Variants in TMCC3 observed in about 807,000 individuals in gnomAD.
TMCC3 encodes transmembrane and coiled-coil domain family 3, also known as transmembrane and coiled-coil domain protein 3.
Under a neutral mutation model 40.2 loss-of-function variants are expected in TMCC3, and 28 were observed. The observed-to-expected ratio is 0.70, with a 90% confidence interval of 0.52 to 0.95. The LOEUF is 0.95. Among genes scored for constraint, TMCC3 ranks in the 40% least tolerant of loss-of-function variants. The pLI, the probability that TMCC3 is intolerant of heterozygous loss-of-function variation, is 0.00. For missense variants in TMCC3, 554 were observed against 615.2 expected (o/e 0.90, Z 1.05); for synonymous variants, 255 against 248.5 (o/e 1.03, Z -0.25).
In TMCC3 at chr12:94,596,317, G is replaced by A. The variant is rs995392232; in HGVS notation, c.79-13779C>T. ...ATGGTGACAGCTAAGAAGACACAGA[G>A]CCAGGATTTGTACTAATGTCTAGTT... On this transcript the variant is annotated intron_variant, in intron 1 of 3. Transcript: ENST00000261226. 5.3e-5 allele frequency among the ~76,000 whole-genome samples: 8 copies of A among 152,314 alleles called. No individual in the cohort carries two copies. In the East Asian group the frequency reaches 1.5e-3, roughly 29 times the overall value.
intron 1 of TMCC3, among the ~76,000 whole-genome samples, chr12:94,583,195 A>C (rs1036780034): frequency 6.7e-6 from 1 of 150,294 alleles, no homozygotes; most frequent in African/African-American, 2.4e-5. Flanking sequence ...TTAAAAAAAA[A>C]AAAGGCCGGG....
chr12:94,629,230 C>T (rs1454511928), intron 1 of TMCC3, among the ~76,000 whole-genome samples: 3 of 152,132 alleles, frequency 2.0e-5, no homozygotes, highest in Non-Finnish European at 4.4e-5. Context: ...CAACAATGTC[C>T]TACAAACAAC....
intron 1 of TMCC3, among the ~76,000 whole-genome samples, chr12:94,647,158 T>C (rs1027815756): frequency 6.6e-6 from 1 of 152,200 alleles, no homozygotes; most frequent in Non-Finnish European, 1.5e-5. Context: ...TAGAGAGATA[T>C]GTGCATCAAG....
intron 1 of TMCC3, among the ~76,000 whole-genome samples, chr12:94,643,380 C>T (rs377228387): frequency 4.6e-5 from 7 of 152,146 alleles, no homozygotes; most frequent in Non-Finnish European, 4.4e-5. Flanking sequence ...TGTGAACCCA[C>T]AGGCCAGTCA....
intron 1 of TMCC3, among the ~76,000 whole-genome samples, chr12:94,608,167 C>T (rs1466548926): frequency 1.3e-5 from 2 of 152,228 alleles, no homozygotes; most frequent in African/African-American, 4.8e-5. Flanking sequence ...TTAAGGGACA[C>T]ATCCTTCAAA....
rs780999346 is a variant in TMCC3, at chr12:94,581,966, G to A, written c.651C>T (p.Ala217=). 8.7e-6 allele frequency: 14 copies of A among 1,614,198 alleles called. No individual in the cohort carries two copies. Among genetic ancestry groups the A allele is most frequent in the East Asian group, 2.2e-5 (1 of 44,882 alleles). The change falls in exon 2 of 4, where the codon GCC becomes GCT. Residue 217 remains alanine (A), a synonymous_variant. Transcript: ENST00000261226. ...ANLIRNKFGS[A]DNIAHLKNSL... ...AATTTTTCAAGTGAGCAATGTTGTCGGCGCTGCCAAACTTATTCCGGATCA... is the reference window on the plus strand; with the variant it reads ...AATTTTTCAAGTGAGCAATGTTGTCAGCGCTGCCAAACTTATTCCGGATCA...
chr12:94,592,609 AGTAAGCCAAGATTGCG>A (rs2068684184), intron 1 of TMCC3, among the ~76,000 whole-genome samples: 4 of 80,804 alleles, frequency 5.0e-5, no homozygotes, highest in Non-Finnish European at 8.2e-5. Flanking sequence ...GCGCCGCTGC[AGTAAGCCAAGATTGCG>A]CCACTGCATT....
chr12:94,578,548 G>C lies in TMCC3; in HGVS notation c.996-19C>G, dbSNP rs760929785. The C allele has an allele frequency of 6.2e-7, 1 of 1,606,746 alleles. No homozygotes were observed. The highest frequency in any genetic ancestry group is 8.5e-7 in the Non-Finnish European group (1 of 1,175,764). On this transcript the variant is annotated intron_variant, in intron 2 of 3. Coordinates refer to ENST00000261226, the MANE Select transcript of TMCC3 (RefSeq NM_020698.4). ...CTCATACCTTTAAAAGAGAGGAGCC[G>C]ATTCCCAGTGTGACCTTTCACAGCA...
intron 1 of TMCC3, among the ~76,000 whole-genome samples, chr12:94,625,272 G>C (rs1371242681): frequency 6.6e-6 from 1 of 151,700 alleles, no homozygotes; most frequent in Admixed American, 6.6e-5. Context: ...GGGGGACACA[G>C]GTCAAACGAT....
At chr12:94,598,102 A>C (rs991243840) in intron 1 of TMCC3, among the ~76,000 whole-genome samples, 7 of 152,184 alleles carry the variant, frequency 4.6e-5, no homozygotes, top group Non-Finnish European at 8.8e-5. Context: ...ATAATTTCCT[A>C]AATGTTTCCG....
At chr12:94,580,390 A>AT (rs1487448238) in intron 2 of TMCC3, among the ~76,000 whole-genome samples, 1 of 152,208 alleles carries the variant, frequency 6.6e-6, no homozygotes, top group Non-Finnish European at 1.5e-5. Context: ...AAAGTTCTTT[A>AT]TTTTACTTTA....
intron 1 of TMCC3, among the ~76,000 whole-genome samples, chr12:94,647,677 T>A (rs375946709): frequency 6.6e-6 from 1 of 152,272 alleles, no homozygotes. Context: ...TAGCACTCGA[T>A]GTCTTCCTCT....
At chr12:94,633,319 A>T (rs1392282891) in intron 1 of TMCC3, among the ~76,000 whole-genome samples, 3 of 152,228 alleles carry the variant, frequency 2.0e-5, no homozygotes, top group African/African-American at 7.2e-5. Context: ...AGAGAAAGGC[A>T]TCTAGATAGC....
intron 1 of TMCC3, among the ~76,000 whole-genome samples, chr12:94,610,571 C>G (rs1364952691): frequency 6.6e-6 from 1 of 152,168 alleles, no homozygotes; most frequent in African/African-American, 2.4e-5. Flanking sequence ...CCACCACCAC[C>G]ACCACCAACC....
At chr12:94,622,986 C>T (rs923871760) in intron 1 of TMCC3, among the ~76,000 whole-genome samples, 1 of 152,022 alleles carries the variant, frequency 6.6e-6, no homozygotes, top group South Asian at 2.1e-4. Context: ...CAAATAAATA[C>T]CTAGGCAAAG....
chr12:94,650,541 C>T lies in TMCC3; in HGVS notation c.-111G>A, dbSNP rs2069052050. 2 of 907,052 alleles carry T rather than the reference C, an allele frequency of 2.2e-6. No homozygotes were observed. Among genetic ancestry groups the T allele is most frequent in the South Asian group, 5.3e-5 (1 of 18,844 alleles). 56.2% of individuals were successfully genotyped at this position (907,052 alleles called of 1,614,324 possible). ...CGCGGGCGAGGGGGCGGCGCGGCTG[C>T]TGCAGCTGTTGCCTCTGGTGCCAAC... On this transcript the variant is annotated 5_prime_UTR_variant, in exon 1 of 4. Transcript: ENST00000261226.
chr12:94,586,804 C>T (rs2068641009), intron 1 of TMCC3, among the ~76,000 whole-genome samples: 1 of 152,232 alleles, frequency 6.6e-6, no homozygotes, highest in African/African-American at 2.4e-5. Flanking sequence ...TTTTGGCTTA[C>T]TTTATGATTT....
chr12:94,597,156 T>TATATATATATATATATATATATAA (rs2068722036), intron 1 of TMCC3, among the ~76,000 whole-genome samples: 2 of 15,110 alleles, frequency 1.3e-4, no homozygotes, highest in African/African-American at 3.2e-4. Flanking sequence ...TATATATATA[T>TATATATATATATATATATATATAA]ATGTATATAA....
intron 1 of TMCC3, among the ~76,000 whole-genome samples, chr12:94,634,795 A>G (rs564195951): frequency 1.3e-5 from 2 of 152,350 alleles, no homozygotes; most frequent in Admixed American, 1.3e-4. Flanking sequence ...AATTCTGTGA[A>G]TGCCTCTAAA....
Sources: gnomAD v4.1 joint callset for allele counts (sites outside exome capture counted in the v4.1 genomes callset) on GRCh38, gnomAD v4.1.1 for gene constraint, MANE v1.5 for transcripts, NCBI Gene and HGNC (gene_info 2026-07-23, HGNC 2026-07-21) for gene names.